Variants in THADA observed in about 807,000 individuals in gnomAD.
The protein encoded by THADA is tRNA (32-2'-O)-methyltransferase regulator THADA.
In THADA, 213 loss-of-function variants were observed where a neutral mutation model predicts 219.8. The ratio of observed to expected loss-of-function variants is 0.97; its 90% CI spans 0.87 to 1.09. The LOEUF (loss-of-function observed/expected upper bound fraction) is 1.09, where lower values mean the gene tolerates loss of function less well. Ranked by LOEUF, THADA falls within the 50% of genes least tolerant of loss-of-function variation. The probability of loss-of-function intolerance (pLI) is 0.00; values close to 1 mark genes in which losing one functional copy is unlikely to be tolerated. For missense variants in THADA, 2,956 were observed against 2,311.3 expected (o/e 1.28, Z -5.72); for synonymous variants, 1,018 against 828.9 (o/e 1.23, Z -3.92).
intron 21 of THADA, among the ~76,000 whole-genome samples, chr2:43,536,237 CT>C (rs1405630598): frequency 6.6e-6 from 1 of 152,150 alleles, no homozygotes; most frequent in Non-Finnish European, 1.5e-5. Context: ...TTCGTGGAGC[CT>C]TTATCGAAAA....
At chr2:43,510,866 G>A (rs1327938865) in intron 22 of THADA, among the ~76,000 whole-genome samples, 1 of 151,698 alleles carries the variant, frequency 6.6e-6, no homozygotes, top group East Asian at 1.9e-4. Flanking sequence ...AGCTACTCGG[G>A]AGGCTGAAGC....
In THADA at chr2:43,292,908, G is replaced by C. The variant is rs748234890; in HGVS notation, c.4744C>G (p.Pro1582Ala). The C allele has an allele frequency of 3.7e-6, 6 of 1,613,904 alleles. No individual in the cohort carries two copies. The Admixed American group carries it at 1.0e-4, about 27-fold the overall frequency. The change falls in exon 32 of 38, where the codon CCC becomes GCC. Residue 1582 changes from proline to alanine, a missense_variant. By Grantham distance (27) the Pro-to-Ala change is conservative. Coordinates refer to ENST00000405975, the MANE Select transcript of THADA (RefSeq NM_022065.5). ...ASGLGEKGVP[P>A]LLCNMGEKFL... is the part of the protein sequence containing the mutation. Reference sequence around the variant, plus strand: ...TTCTCTCCCATGTTGCACAGCAAGGGTGGCACGCCCTTCTCTCCAAGTCCA... The same window carrying C: ...TTCTCTCCCATGTTGCACAGCAAGGCTGGCACGCCCTTCTCTCCAAGTCCA...
intron 26 of THADA, among the ~76,000 whole-genome samples, chr2:43,432,602 T>G (rs554840371): frequency 4.9e-4 from 74 of 152,300 alleles, no homozygotes; most frequent in Admixed American, 7.8e-4. Context: ...ACTGACAGTT[T>G]CCTGAAATAA....
intron 26 of THADA, among the ~76,000 whole-genome samples, chr2:43,449,574 C>A (rs1019142602): frequency 6.6e-6 from 1 of 152,062 alleles, no homozygotes; most frequent in African/African-American, 2.4e-5. Context: ...GAAAGAGAAG[C>A]CCGGGCAACA....
At chr2:43,468,737 G>A (rs942770697) in intron 26 of THADA, among the ~76,000 whole-genome samples, 1 of 152,260 alleles carries the variant, frequency 6.6e-6, no homozygotes, top group African/African-American at 2.4e-5. Context: ...ACCACCGCAA[G>A]AAAGAGATGG....
chr2:43,375,041 C>T (rs1671215914), intron 29 of THADA, among the ~76,000 whole-genome samples: 1 of 150,966 alleles, frequency 6.6e-6, no homozygotes, highest in Non-Finnish European at 1.5e-5. Context: ...TGGTCGTGGA[C>T]CAAAAAGAAA....
chr2:43,423,613 T>G (rs1047458371), intron 28 of THADA, among the ~76,000 whole-genome samples: 2 of 152,080 alleles, frequency 1.3e-5, no homozygotes, highest in Admixed American at 6.6e-5. Flanking sequence ...TTTGTATTTT[T>G]GGTAGAGACG....
chr2:43,472,347 C>T (rs542915222), intron 26 of THADA, among the ~76,000 whole-genome samples: 2 of 152,346 alleles, frequency 1.3e-5, no homozygotes, highest in South Asian at 2.1e-4. Flanking sequence ...AATGGTGGCA[C>T]TGCAGACAGC....
chr2:43,376,282 CA>C (rs1333235021), intron 29 of THADA, among the ~76,000 whole-genome samples: 5 of 152,314 alleles, frequency 3.3e-5, no homozygotes, highest in African/African-American at 1.2e-4. Context: ...TTGTTTTCTA[CA>C]AACACCTAAG....
chr2:43,284,419 C>T (rs1222016194), intron 35 of THADA, among the ~76,000 whole-genome samples: 1 of 152,182 alleles, frequency 6.6e-6, no homozygotes, highest in East Asian at 1.9e-4. Flanking sequence ...CAGCTCGGGC[C>T]ATTGCTTCAG....
intron 22 of THADA, among the ~76,000 whole-genome samples, chr2:43,520,903 A>G (rs1692344495): frequency 1.5e-5 from 2 of 137,824 alleles, no homozygotes; most frequent in South Asian, 2.6e-4. Context: ...TTCTTAAAGA[A>G]GGAGGGAGGG....
chr2:43,590,766 T>C, intron 4 of THADA, 58 bp downstream of exon 4: 1 of 1,580,760 alleles, frequency 6.3e-7, no homozygotes, highest in Non-Finnish European at 8.6e-7. Context: ...GGAACTTCAG[T>C]TACTTTTGGT....
At chr2:43,485,754 G>A (rs1353989603) in intron 25 of THADA, among the ~76,000 whole-genome samples, 1 of 151,864 alleles carries the variant, frequency 6.6e-6, no homozygotes, top group Non-Finnish European at 1.5e-5. Flanking sequence ...AAAGAACCAG[G>A]CCCAGTGGCT....
At chr2:43,310,040 A>G (rs1036223699) in intron 31 of THADA, among the ~76,000 whole-genome samples, 6 of 152,334 alleles carry the variant, frequency 3.9e-5, no homozygotes, top group East Asian at 1.9e-4. Context: ...GAAAACTATA[A>G]AACACCCACT....
At chr2:43,489,257 T>C (rs1687309318) in intron 25 of THADA, among the ~76,000 whole-genome samples, 1 of 152,216 alleles carries the variant, frequency 6.6e-6, no homozygotes, top group Non-Finnish European at 1.5e-5. Context: ...CATAGCTCAC[T>C]GCAGCCTTGA....
intron 21 of THADA, chr2:43,538,557 G>C (rs565020644): frequency 6.6e-6 from 1 of 152,122 alleles, no homozygotes; most frequent in African/African-American, 2.4e-5. Context: ...TGTTGCTTGC[G>C]AAAATTTACC....
chr2:43,398,567 G>C (rs1037085216), intron 28 of THADA, among the ~76,000 whole-genome samples: 7 of 152,150 alleles, frequency 4.6e-5, no homozygotes, highest in Non-Finnish European at 1.0e-4. Flanking sequence ...CCAAAAGTAC[G>C]AGACAGTATA....
chr2:43,417,748 G>C (rs531365496), intron 28 of THADA, among the ~76,000 whole-genome samples: 4 of 152,326 alleles, frequency 2.6e-5, no homozygotes, highest in African/African-American at 7.2e-5. Context: ...AGCTAAAGCA[G>C]TCGCTAACAG....
At chr2:43,300,420 A>T (rs1314817535) in intron 31 of THADA, among the ~76,000 whole-genome samples, 9 of 152,186 alleles carry the variant, frequency 5.9e-5, no homozygotes, top group Admixed American at 5.9e-4. Flanking sequence ...ATGAGGAAAC[A>T]GAGAGGTGAA....
Sources: gnomAD v4.1 joint callset for allele counts (sites outside exome capture counted in the v4.1 genomes callset) on GRCh38, gnomAD v4.1.1 for gene constraint, MANE v1.5 for transcripts, NCBI Gene and HGNC (gene_info 2026-07-23, HGNC 2026-07-21) for gene names.